Variants in SLIT1 observed in about 807,000 individuals in gnomAD.
SLIT1 encodes the protein slit guidance ligand 1, also known as slit homolog 1 protein.
SLIT1 carries 66 observed loss-of-function variants against 186.1 expected under a neutral mutation model. The observed-to-expected ratio is 0.35, with a 90% CI of 0.29 to 0.44. The LOEUF (loss-of-function observed/expected upper bound fraction) is 0.44. Ranked by LOEUF, SLIT1 falls within the 20% of genes least tolerant of loss-of-function variation. SLIT1 has a pLI of 1.00. For synonymous variants in SLIT1, 761 were observed against 833.8 expected (o/e 0.91, Z 1.50); for missense variants, 1,638 against 2,037.4 (o/e 0.80, Z 3.77).
chr10:97,030,502 C>T (rs962985302), intron 25 of SLIT1, among the ~76,000 whole-genome samples: 3 of 152,152 alleles, frequency 2.0e-5, no homozygotes, highest in East Asian at 1.9e-4. Flanking sequence ...CTGAGGCAGG[C>T]GAAGTGCACA....
At position 97,086,934 on chromosome 10, in the gene SLIT1, T is replaced by C. The variant is rs200306091; in HGVS notation, c.414-20848A>G. 1.1e-4 allele frequency among the ~76,000 whole-genome samples: 17 copies of C among 152,132 alleles called. No individual in the cohort carries two copies. In the East Asian group the frequency reaches 2.9e-3, roughly 26 times the overall value. ...GGTGATAATGATGTGTCAACATAGA[T>C]GTATTGATTATGACAAATGTACGGC... On this transcript the variant is annotated intron_variant, in intron 4 of 36. Coordinates refer to ENST00000266058, the MANE Select transcript of SLIT1 (RefSeq NM_003061.3).
At chr10:97,105,365 G>C (rs1005365773) in intron 4 of SLIT1, among the ~76,000 whole-genome samples, 1 of 152,206 alleles carries the variant, frequency 6.6e-6, no homozygotes, top group South Asian at 2.1e-4. Flanking sequence ...CCACACTCAA[G>C]CTCTTGCGTC....
At chr10:97,170,422 T>G (rs1315015845) in intron 1 of SLIT1, among the ~76,000 whole-genome samples, 1 of 152,262 alleles carries the variant, frequency 6.6e-6, no homozygotes, top group Non-Finnish European at 1.5e-5. Context: ...TCTTTACTAC[T>G]GCACTGTTGT....
chr10:97,159,071 A>G (rs1849992348), intron 3 of SLIT1, among the ~76,000 whole-genome samples: 2 of 152,198 alleles, frequency 1.3e-5, no homozygotes, highest in South Asian at 4.1e-4. Flanking sequence ...TTGTAGCCCC[A>G]GGGGTGTCTG....
At chr10:97,095,428 C>T (rs1400545485) in intron 4 of SLIT1, among the ~76,000 whole-genome samples, 1 of 152,208 alleles carries the variant, frequency 6.6e-6, no homozygotes, top group East Asian at 1.9e-4. Flanking sequence ...CTTCTTGGGG[C>T]TTCCCAGGGC....
chr10:97,119,233 G>A (rs770281573), intron 4 of SLIT1, among the ~76,000 whole-genome samples: 2 of 152,182 alleles, frequency 1.3e-5, no homozygotes, highest in African/African-American at 4.8e-5. Context: ...GAAGGTCAGG[G>A]GTCAACTCAT....
At chr10:97,104,239 GAGAACAGTC>G (rs1849390596) in intron 4 of SLIT1, among the ~76,000 whole-genome samples, 1 of 152,124 alleles carries the variant, frequency 6.6e-6, no homozygotes, top group Non-Finnish European at 1.5e-5. Context: ...TCTAGGCACA[GAGAACAGTC>G]AGTGCCAAGG....
chr10:97,121,269 C>T (rs1205169319), intron 4 of SLIT1, among the ~76,000 whole-genome samples: 7 of 152,112 alleles, frequency 4.6e-5, no homozygotes, highest in Admixed American at 1.3e-4. Context: ...GTGGTGTCAC[C>T]CTGAGAAGCC....
At chr10:97,081,722 C>G (rs760989585) in intron 4 of SLIT1, among the ~76,000 whole-genome samples, 1 of 152,222 alleles carries the variant, frequency 6.6e-6, no homozygotes, top group Non-Finnish European at 1.5e-5. Flanking sequence ...TGACTGTTAA[C>G]AGGAGCAAGG....
At position 97,010,935 on chromosome 10, in the gene SLIT1, C is replaced by G; in HGVS notation, c.3341+58G>C. ...CTTCGCCATGGCTGGAGGCTCCTGC[C>G]AGCCCAGGGGCTGACAGCCACAAGG... On this transcript the variant is annotated intron_variant, in intron 31 of 36. Transcript: ENST00000266058. This position sits in a 1 kb window ranked among gnomAD's most constrained non-coding sequence, Gnocchi z 4.8. 6.4e-7 allele frequency: 1 copy of G among 1,562,066 alleles called. No individual in the cohort carries two copies. The highest frequency in any genetic ancestry group is 8.7e-7 in the Non-Finnish European group (1 of 1,148,010).
intron 4 of SLIT1, among the ~76,000 whole-genome samples, chr10:97,080,650 C>G (rs1321994148): frequency 1.3e-5 from 2 of 152,168 alleles, no homozygotes; most frequent in African/African-American, 2.4e-5. Context: ...TTCAAACACC[C>G]GGAGCTGGGG....
chr10:97,107,824 G>A (rs775671083), intron 4 of SLIT1, among the ~76,000 whole-genome samples: 116 of 152,100 alleles, frequency 7.6e-4, no homozygotes, highest in Admixed American at 2.6e-3. Flanking sequence ...AGCAGGAGCC[G>A]GGCTGGGGAC....
In SLIT1 at chr10:97,004,754, A is replaced by G; in HGVS notation, c.3649T>C (p.Tyr1217His). The G allele has an allele frequency of 3.7e-6, 6 of 1,614,132 alleles. No homozygotes were observed. The highest frequency in any genetic ancestry group is 5.1e-6 in the Non-Finnish European group (6 of 1,180,000). Reference protein sequence around the residue: ...GDNDHIAVELYQGHVRVSYDP... With the variant: ...GDNDHIAVELHQGHVRVSYDP... ...TAGCTGACACGCACATGGCCCTGGT[A>G]CAGCTCAACTGCAATGTGGTCGTTG... The change falls in exon 33 of 37, where the codon TAC becomes CAC. Residue 1217 changes from tyrosine to histidine, a missense_variant. Transcript: ENST00000266058. This position sits in a 1 kb window ranked among gnomAD's most constrained non-coding sequence, Gnocchi z 5.1.
At chr10:97,139,744 G>A (rs1247154872) in intron 4 of SLIT1, among the ~76,000 whole-genome samples, 1 of 152,194 alleles carries the variant, frequency 6.6e-6, no homozygotes, top group Non-Finnish European at 1.5e-5. Flanking sequence ...AGTTCCGGGG[G>A]CCTGGATGAA....
At chr10:97,141,265 C>T (rs1258720718) in intron 4 of SLIT1, among the ~76,000 whole-genome samples, 1 of 152,228 alleles carries the variant, frequency 6.6e-6, no homozygotes, top group African/African-American at 2.4e-5. Flanking sequence ...GAACAACATC[C>T]ACTTCCACCC....
chr10:96,999,236 T>G lies in SLIT1; in HGVS notation c.*1876A>C, dbSNP rs1848277976. ...TTGCTCAGAGCTCCAAGCAAGTAGA[T>G]CCCAGCCCCCTGGTGAGGGGCAGAT... On this transcript the variant is annotated 3_prime_UTR_variant, in exon 37 of 37. Coordinates refer to ENST00000266058, the MANE Select transcript of SLIT1 (RefSeq NM_003061.3). 1 of 152,318 alleles carries G rather than the reference T, an allele frequency of 6.6e-6. No individual in the cohort carries two copies. Among genetic ancestry groups the G allele is most frequent in the African/African-American group, 2.4e-5 (1 of 41,516 alleles). The allele number at this position is 152,318 out of a possible 1,614,324, so 9.4% of individuals were successfully genotyped here. A position where few individuals can be genotyped will look rare whatever the true frequency, so the allele number is the denominator to read the frequency against.
intron 4 of SLIT1, among the ~76,000 whole-genome samples, chr10:97,129,260 G>A (rs1264190833): frequency 1.3e-5 from 2 of 151,970 alleles, no homozygotes; most frequent in Non-Finnish European, 2.9e-5. Context: ...AAATTAGTCG[G>A]GTGTGGTGAT....
chr10:97,107,984 C>T (rs1401139539), intron 4 of SLIT1, among the ~76,000 whole-genome samples: 1 of 152,170 alleles, frequency 6.6e-6, no homozygotes, highest in African/African-American at 2.4e-5. Flanking sequence ...GGCTCCGGTC[C>T]GGGGGCAAAA....
chr10:97,037,048 TTGTGTG>T (rs59578209), intron 22 of SLIT1, among the ~76,000 whole-genome samples: 6,273 of 116,956 alleles, frequency 0.054, 78 homozygotes, highest in South Asian at 0.076. Context: ...ATAACCCCCT[TTGTGTG>T]TGTGTGTGTG....
Sources: gnomAD v4.1 joint callset for allele counts (sites outside exome capture counted in the v4.1 genomes callset) on GRCh38, gnomAD v4.1.1 for gene constraint, Gnocchi (gnomAD v3.1) non-coding constraint, MANE v1.5 for transcripts, NCBI Gene and HGNC (gene_info 2026-07-23, HGNC 2026-07-21) for gene names.